NELL2: variants seen among roughly 807,000 people sequenced by gnomAD.
The protein encoded by NELL2 is neural EGFL like 2, also known as protein kinase C-binding protein NELL2.
NELL2 carries 41 observed loss-of-function variants against 109.6 expected under a neutral mutation model. The observed-to-expected ratio is 0.37, with a 90% CI of 0.29 to 0.49. NELL2 has a LOEUF of 0.49. Among genes scored for constraint, NELL2 ranks in the 20% least tolerant of loss-of-function variants. The pLI, the probability that NELL2 is intolerant of heterozygous loss-of-function variation, is 0.98. For missense variants in NELL2, 900 were observed against 1,008.3 expected (o/e 0.89, Z 1.45); for synonymous variants, 355 against 344.7 (o/e 1.03, Z -0.33).
Position 44,520,164 on chromosome 12 carries a change from T to A in NELL2, c.2241A>T (p.Pro747=). The change falls in exon 19 of 20, where the codon CCA becomes CCT. Residue 747 remains proline (P), a synonymous_variant. Transcript: ENST00000429094. ...PDVECEFSIL[P]ENECCPRCVT... Reference sequence around the variant, plus strand: ...CACAGCGCGGGCAGCACTCATTCTCTGGGAGAATGCTGAATTCACACTCCA... The same window carrying A: ...CACAGCGCGGGCAGCACTCATTCTCAGGGAGAATGCTGAATTCACACTCCA... The A allele has an allele frequency of 6.2e-7, 1 of 1,613,892 alleles. No homozygotes were observed. Among genetic ancestry groups the A allele is most frequent in the Non-Finnish European group, 8.5e-7 (1 of 1,179,948 alleles).
intron 1 of NELL2, among the ~76,000 whole-genome samples, chr12:44,895,957 C>G (rs867979029): frequency 1.3e-5 from 2 of 152,080 alleles, no homozygotes; most frequent in Non-Finnish European, 2.9e-5. Flanking sequence ...ACATATTTTG[C>G]TATGCTCGGT....
chr12:44,601,802 A>C (rs182674229), intron 15 of NELL2, among the ~76,000 whole-genome samples: 1 of 152,158 alleles, frequency 6.6e-6, no homozygotes, highest in Non-Finnish European at 1.5e-5. Context: ...TTTATTTTCT[A>C]CATGCACAAA....
intron 12 of NELL2, among the ~76,000 whole-genome samples, chr12:44,694,184 C>CT (rs763875617): frequency 6.6e-5 from 10 of 152,122 alleles, no homozygotes; most frequent in Non-Finnish European, 1.2e-4. Context: ...AATCTGTAGA[C>CT]TGAGTAAAGC....
intron 3 of NELL2, among the ~76,000 whole-genome samples, chr12:44,780,424 A>T (rs76973578): frequency 0.071 from 10,756 of 151,990 alleles, 553 homozygotes; most frequent in Non-Finnish European, 0.11. Context: ...GTCAAACATC[A>T]CAGAAAAAAC....
chr12:44,682,534 G>C (rs1217684156), intron 12 of NELL2, among the ~76,000 whole-genome samples: 4 of 152,124 alleles, frequency 2.6e-5, no homozygotes, highest in Non-Finnish European at 4.4e-5. Context: ...TTTTCTTCTA[G>C]GGTTTTTATT....
intron 3 of NELL2, among the ~76,000 whole-genome samples, chr12:44,807,693 T>C (rs1943048345): frequency 6.6e-6 from 1 of 151,906 alleles, no homozygotes; most frequent in African/African-American, 2.4e-5. Context: ...AAGAAAAAAA[T>C]AACTTTAAAA....
rs141034570 is a variant in NELL2 at position 44,652,920 on chromosome 12, G to T, written c.1444+12564C>A. Among the ~76,000 whole-genome samples, 1,013 of 152,254 alleles carry T rather than the reference G, an allele frequency of 6.7e-3. 10 individuals are homozygous for T. Among genetic ancestry groups the T allele is most frequent in the Non-Finnish European group, 0.012 (801 of 68,028 alleles). ...ATCTATTTTCAAATCCAGTAAGGTT[G>T]CATGTCTCTGACCAGTCTTCCATAG... On this transcript the variant is annotated intron_variant, in intron 13 of 19. Coordinates refer to ENST00000429094, the MANE Select transcript of NELL2 (RefSeq NM_001145108.2).
intron 15 of NELL2, among the ~76,000 whole-genome samples, chr12:44,593,587 G>A (rs1467383481): frequency 1.3e-5 from 2 of 152,196 alleles, no homozygotes; most frequent in Non-Finnish European, 2.9e-5. Flanking sequence ...ATAGTAGAAT[G>A]ATTTATAATC....
chr12:44,512,552 C>T (rs976489912), intron 19 of NELL2, among the ~76,000 whole-genome samples: 1 of 151,742 alleles, frequency 6.6e-6, no homozygotes, highest in Non-Finnish European at 1.5e-5. Context: ...TTCACAATCA[C>T]CAAGATATGT....
intron 12 of NELL2, among the ~76,000 whole-genome samples, chr12:44,702,436 T>TA (rs901101666): frequency 2.6e-5 from 4 of 151,640 alleles, no homozygotes; most frequent in Admixed American, 6.6e-5. Context: ...GCTCAAAATT[T>TA]AAAAAAAAGC....
intron 12 of NELL2, among the ~76,000 whole-genome samples, chr12:44,684,736 G>C (rs948236429): frequency 6.6e-6 from 1 of 152,192 alleles, no homozygotes; most frequent in African/African-American, 2.4e-5. Flanking sequence ...TTTTGAGTGA[G>C]ATTCTTAATC....
chr12:44,635,280 A>G (rs1004565712), intron 13 of NELL2, among the ~76,000 whole-genome samples: 39 of 152,024 alleles, frequency 2.6e-4, no homozygotes, highest in Admixed American at 2.6e-3. Context: ...GAAGCTCTTT[A>G]GTTTAATTAG....
chr12:44,787,379 T>C (rs1942217702), intron 3 of NELL2, among the ~76,000 whole-genome samples: 1 of 152,112 alleles, frequency 6.6e-6, no homozygotes. Flanking sequence ...ATAATTCCTA[T>C]AAAAATAATG....
intron 3 of NELL2, among the ~76,000 whole-genome samples, chr12:44,814,112 C>T (rs1225145757): frequency 6.6e-6 from 1 of 152,146 alleles, no homozygotes; most frequent in Non-Finnish European, 1.5e-5. Flanking sequence ...TTGAGGGAAA[C>T]AGACCCATTG....
At chr12:44,645,238 A>G (rs1707067780) in intron 13 of NELL2, among the ~76,000 whole-genome samples, 1 of 152,106 alleles carries the variant, frequency 6.6e-6, no homozygotes, top group African/African-American at 2.4e-5. Context: ...GAGCCACTAA[A>G]TGGCAATAAG....
At chr12:44,783,894 C>T (rs1286154691) in intron 3 of NELL2, among the ~76,000 whole-genome samples, 1 of 151,948 alleles carries the variant, frequency 6.6e-6, no homozygotes, top group Admixed American at 6.6e-5. Flanking sequence ...AGACAATATG[C>T]TCCCTGAGTA....
rs1029421884 is a variant in NELL2 at position 44,642,439 on chromosome 12, T to C, written c.1444+23045A>G. 3.3e-5 allele frequency among the ~76,000 whole-genome samples: 5 copies of C among 152,000 alleles called. No individual in the cohort carries two copies. The South Asian group carries it at 1.0e-3, about 31-fold the overall frequency. On this transcript the variant is annotated intron_variant, in intron 13 of 19. Transcript: ENST00000429094. ...TGGTCAAACTCAAATAAATAGCAGG[T>C]AGAATGGTGGATGCTAGGAGTAAGG...
intron 1 of NELL2, among the ~76,000 whole-genome samples, chr12:44,903,895 G>A (rs563199466): frequency 6.6e-6 from 1 of 151,774 alleles, no homozygotes; most frequent in Non-Finnish European, 1.5e-5. Flanking sequence ...TCGGGGGGTG[G>A]GGGCAAGGGG....
chr12:44,772,492 C>CAG (rs1168266726), intron 9 of NELL2, among the ~76,000 whole-genome samples: 1 of 152,198 alleles, frequency 6.6e-6, no homozygotes, highest in African/African-American at 2.4e-5. Context: ...TTGTGCTTTG[C>CAG]AGAGACTCAT....
Sources: allele counts gnomAD v4.1 joint callset (sites outside exome capture counted in the v4.1 genomes callset), GRCh38; gene constraint gnomAD v4.1.1; transcripts MANE v1.5; gene names NCBI Gene and HGNC (gene_info 2026-07-23, HGNC 2026-07-21).